SORCS3: variants seen among roughly 807,000 people sequenced by gnomAD.
The protein encoded by SORCS3 is VPS10 domain-containing receptor SorCS3.
In SORCS3, 57 loss-of-function variants were observed where a neutral mutation model predicts 146.3. The ratio of observed to expected loss-of-function variants is 0.39; its 90% CI spans 0.31 to 0.49. SORCS3 has a LOEUF of 0.49. Ranked by LOEUF, SORCS3 falls within the 20% of genes least tolerant of loss-of-function variation. The pLI is 0.92. For synonymous variants in SORCS3, 653 were observed against 618.5 expected (o/e 1.06, Z -0.83); for missense variants, 1,341 against 1,575.5 (o/e 0.85, Z 2.52).
chr10:104,696,539 CAT>C lies in SORCS3; in HGVS notation c.627+54591_627+54592del, dbSNP rs1176726814. On this transcript the variant is annotated intron_variant, in intron 1 of 26. Transcript: ENST00000369701. ...TATAATATAGAATATATATTATATA[CAT>C]ATATAATATAGAATATATAATATAC... Among the ~76,000 whole-genome samples, 2 of 55,830 alleles carry C rather than the reference CAT, an allele frequency of 3.6e-5. 1 individual carries two copies. The highest frequency in any genetic ancestry group is 1.2e-3 in the South Asian group (2 of 1,718). 36.6% of individuals were successfully genotyped at this position (55,830 alleles called of 152,430 possible). A position where few individuals can be genotyped will look rare whatever the true frequency, so the allele number is the denominator to read the frequency against.
intron 3 of SORCS3, among the ~76,000 whole-genome samples, chr10:104,929,684 C>A (rs1392280427): frequency 2.6e-5 from 4 of 152,204 alleles, no homozygotes; most frequent in African/African-American, 9.6e-5. Flanking sequence ...CCTATCCCAG[C>A]AGACTCAATC....
At chr10:104,658,797 C>A (rs2015664648) in intron 1 of SORCS3, among the ~76,000 whole-genome samples, 1 of 151,920 alleles carries the variant, frequency 6.6e-6, no homozygotes, top group Non-Finnish European at 1.5e-5. Context: ...TGCAATAGGA[C>A]TCTGGATGGA....
chr10:104,901,641 A>T (rs903397321), intron 2 of SORCS3, among the ~76,000 whole-genome samples: 2 of 151,994 alleles, frequency 1.3e-5, no homozygotes, highest in Admixed American at 1.3e-4. Flanking sequence ...GAATTTCACC[A>T]ATGTGCTATG....
At chr10:104,877,105 C>A (rs940006772) in intron 2 of SORCS3, among the ~76,000 whole-genome samples, 4 of 152,204 alleles carry the variant, frequency 2.6e-5, no homozygotes, top group South Asian at 4.1e-4. Flanking sequence ...CCTGCTTTGG[C>A]CTCTCAAAGT....
intron 1 of SORCS3, among the ~76,000 whole-genome samples, chr10:104,668,143 C>G (rs183544121): frequency 1.3e-5 from 2 of 152,272 alleles, no homozygotes; most frequent in Non-Finnish European, 1.5e-5. Flanking sequence ...GACTTTATTG[C>G]AACAGCTGTG....
chr10:104,949,585 T>G (rs1231766779), intron 3 of SORCS3, among the ~76,000 whole-genome samples: 1 of 152,208 alleles, frequency 6.6e-6, no homozygotes, highest in Non-Finnish European at 1.5e-5. Flanking sequence ...CTATTTTTCT[T>G]AAGACAAGAT....
chr10:104,935,647 G>A (rs1247567950), intron 3 of SORCS3, among the ~76,000 whole-genome samples: 2 of 152,144 alleles, frequency 1.3e-5, no homozygotes, highest in Non-Finnish European at 2.9e-5. Context: ...AGAGGAAAGA[G>A]GCACTGATTC....
intron 4 of SORCS3, among the ~76,000 whole-genome samples, chr10:104,980,508 C>T (rs1358844661): frequency 6.6e-6 from 1 of 152,198 alleles, no homozygotes; most frequent in African/African-American, 2.4e-5. Flanking sequence ...GATTGATATA[C>T]AAATGTGTTA....
rs555681888 is a variant in SORCS3 at position 105,014,212 on chromosome 10, T to C, written c.955-28843T>C. 2.0e-4 allele frequency among the ~76,000 whole-genome samples: 30 copies of C among 151,162 alleles called. No individual in the cohort carries two copies. In the South Asian group the frequency reaches 6.3e-3, roughly 31 times the overall value. On this transcript the variant is annotated intron_variant, in intron 4 of 26. Coordinates refer to ENST00000369701, the MANE Select transcript of SORCS3 (RefSeq NM_014978.3). ...CTATTTAATTATTATTCTGGGACAA[T>C]TGGGTATTCATAGGAAAGAAATTTG...
chr10:105,193,214 A>C (rs975295281), intron 14 of SORCS3, among the ~76,000 whole-genome samples: 2 of 152,190 alleles, frequency 1.3e-5, no homozygotes, highest in Admixed American at 1.3e-4. Context: ...ATCCTAGCAC[A>C]GTCCAGGGTG....
At chr10:104,697,776 G>A (rs2016233639) in intron 1 of SORCS3, among the ~76,000 whole-genome samples, 1 of 152,136 alleles carries the variant, frequency 6.6e-6, no homozygotes, top group Non-Finnish European at 1.5e-5. Flanking sequence ...ATGTAAATAA[G>A]CATTGAATGT....
chr10:104,754,574 T>C (rs559743049), intron 1 of SORCS3, among the ~76,000 whole-genome samples: 8 of 152,172 alleles, frequency 5.3e-5, no homozygotes, highest in Non-Finnish European at 8.8e-5. Flanking sequence ...AAGGGAGAAG[T>C]TGAGAGAGAC....
At chr10:104,972,042 G>T (rs972365060) in intron 3 of SORCS3, among the ~76,000 whole-genome samples, 2 of 152,168 alleles carry the variant, frequency 1.3e-5, no homozygotes, top group Non-Finnish European at 2.9e-5. Flanking sequence ...GCACTGGCTG[G>T]AGGGGCAGTT....
In SORCS3 at chr10:105,200,233, A is replaced by T. The variant is rs1036943870; in HGVS notation, c.2127+117A>T. 3.0e-5 allele frequency: 23 copies of T among 754,582 alleles called. No individual in the cohort carries two copies. The Admixed American group carries it at 5.2e-4, about 17-fold the overall frequency. The allele number at this position is 754,582 out of a possible 1,614,324, so 46.7% of individuals were successfully genotyped here. A position where few individuals can be genotyped will look rare whatever the true frequency, so the allele number is the denominator to read the frequency against. ...GAGGAAGGTAGTGGGTCATCTGAGG[A>T]TGTGGGTGTGGATTTGGAGAAAAGG... On this transcript the variant is annotated intron_variant, in intron 15 of 26. Transcript: ENST00000369701.
intron 14 of SORCS3, among the ~76,000 whole-genome samples, chr10:105,196,523 C>T (rs1351030310): frequency 5.3e-5 from 8 of 152,050 alleles, no homozygotes; most frequent in Admixed American, 6.5e-5. Flanking sequence ...GAGAATTGCT[C>T]GGACCAGGGA....
intron 4 of SORCS3, among the ~76,000 whole-genome samples, chr10:105,013,353 C>T (rs2055146234): frequency 6.6e-6 from 1 of 152,016 alleles, no homozygotes; most frequent in Middle Eastern, 3.2e-3. Context: ...CTCAGAACCA[C>T]AGCTTTAAAT....
chr10:105,120,569 C>G (rs2055925223), intron 7 of SORCS3, among the ~76,000 whole-genome samples: 3 of 152,098 alleles, frequency 2.0e-5, no homozygotes, highest in Non-Finnish European at 4.4e-5. Context: ...TTGCTCCATT[C>G]AGAACTCTAC....
chr10:105,066,568 C>G (rs970939921), intron 5 of SORCS3, among the ~76,000 whole-genome samples: 3 of 152,130 alleles, frequency 2.0e-5, no homozygotes, highest in African/African-American at 7.2e-5. Context: ...GTATTTGACA[C>G]TATTGCCTGC....
rs1339147798 is a variant in SORCS3 at position 105,031,316 on chromosome 10, AACACAC to A, written c.955-11729_955-11724del. Among the ~76,000 whole-genome samples, 4 of 117,990 alleles carry A rather than the reference AACACAC, an allele frequency of 3.4e-5. No homozygotes were observed. In the East Asian group the frequency reaches 6.7e-4, roughly 20 times the overall value. The allele number at this position is 117,990 out of a possible 152,430, so 77.4% of individuals were successfully genotyped here. A position where few individuals can be genotyped will look rare whatever the true frequency, so the allele number is the denominator to read the frequency against. ...CTTAGTCTCAAAAAAACAAACAAAC[AACACAC>A]ACACACACAAACACACACACACACA... On this transcript the variant is annotated intron_variant, in intron 4 of 26. Transcript: ENST00000369701.
Sources: gnomAD v4.1 joint callset for allele counts (sites outside exome capture counted in the v4.1 genomes callset) on GRCh38, gnomAD v4.1.1 for gene constraint, MANE v1.5 for transcripts, NCBI Gene and HGNC (gene_info 2026-07-23, HGNC 2026-07-21) for gene names.